Variants in SNX27 observed in about 807,000 individuals in gnomAD.
SNX27 encodes sorting nexin 27.
SNX27 carries 22 observed loss-of-function variants against 71.6 expected under a neutral mutation model. The observed-to-expected ratio is 0.31, with a 90% CI of 0.22 to 0.44. SNX27 has a LOEUF of 0.44. Among genes scored for constraint, SNX27 ranks in the 20% least tolerant of loss-of-function variants. SNX27 has a pLI of 1.00. For missense variants in SNX27, 531 were observed against 698.6 expected (o/e 0.76, Z 2.70); for synonymous variants, 269 against 277.2 (o/e 0.97, Z 0.29).
In SNX27 at chr1:151,696,342, C is replaced by A. The variant is rs978027907; in HGVS notation, c.*1925C>A. The A allele has an allele frequency of 3.3e-5, 5 of 152,218 alleles. No individual in the cohort carries two copies. The highest frequency in any genetic ancestry group is 7.3e-5 in the Non-Finnish European group (5 of 68,042). The allele number at this position is 152,218 out of a possible 1,614,324, so 9.4% of individuals were successfully genotyped here. ...AACAAAAACCTTCCTAGGATGGCATCTTTTGCTCTAACTGGGAGACAGTCA... is the reference window on the plus strand; with the variant it reads ...AACAAAAACCTTCCTAGGATGGCATATTTTGCTCTAACTGGGAGACAGTCA... On this transcript the variant is annotated 3_prime_UTR_variant, in exon 12 of 12. Coordinates refer to ENST00000458013, the MANE Select transcript of SNX27 (RefSeq NM_001330723.2).
chr1:151,691,188 T>C (rs1671423684), intron 8 of SNX27, among the ~76,000 whole-genome samples: 1 of 151,724 alleles, frequency 6.6e-6, no homozygotes, highest in Non-Finnish European at 1.5e-5. Context: ...GAGGCTGAGG[T>C]AGGAGAATAG....
rs1042321093 is a variant in SNX27, at chr1:151,668,623, C to T, written c.1137C>T (p.Tyr379=). 10 of 1,611,812 alleles carry T rather than the reference C, an allele frequency of 6.2e-6. No individual in the cohort carries two copies. Among genetic ancestry groups the T allele is most frequent in the Non-Finnish European group, 8.5e-6 (10 of 1,179,328 alleles). The change falls in exon 7 of 12, where the codon TAC becomes TAT. Residue 379 remains tyrosine, a synonymous_variant. Coordinates refer to ENST00000458013, the MANE Select transcript of SNX27 (RefSeq NM_001330723.2). ...ATGACAATGACCTTGCTGTTACCTA[C>T]TTCTTTCATCAGGTAGGTGAATTGA... The part of the protein sequence containing the change: ...LLNDNDLAVT[Y]FFHQAVDDVK...
chr1:151,691,474 T>A (rs1261929100), intron 8 of SNX27, among the ~76,000 whole-genome samples: 1 of 148,910 alleles, frequency 6.7e-6, no homozygotes, highest in African/African-American at 2.5e-5. Flanking sequence ...TGGTTTTTTT[T>A]TTTTTTTTTT....
intron 7 of SNX27, among the ~76,000 whole-genome samples, chr1:151,672,193 G>C (rs1443721684): frequency 6.6e-6 from 1 of 152,030 alleles, no homozygotes; most frequent in African/African-American, 2.4e-5. Flanking sequence ...TTTTTGAGGG[G>C]TTTTTATTAT....
intron 7 of SNX27, among the ~76,000 whole-genome samples, chr1:151,681,966 C>T (rs540567803): frequency 1.1e-3 from 175 of 152,288 alleles, no homozygotes; most frequent in Non-Finnish European, 2.2e-3. Flanking sequence ...GGGGATCCAC[C>T]TAAGGCTTCC....
chr1:151,640,407 T>A (rs2102635812), intron 2 of SNX27, among the ~76,000 whole-genome samples: 1 of 152,322 alleles, frequency 6.6e-6, no homozygotes. Flanking sequence ...AGACGAAGTC[T>A]CACTCTGTCC....
intron 7 of SNX27, among the ~76,000 whole-genome samples, chr1:151,673,161 T>C (rs1482528791): frequency 1.3e-5 from 2 of 152,136 alleles, no homozygotes; most frequent in African/African-American, 4.8e-5. Flanking sequence ...TGGCATGTTA[T>C]GTTTTCATGA....
rs1324878512 is a variant in SNX27, at chr1:151,612,351, G to A, written c.150G>A (p.Glu50=). 6.5e-7 allele frequency: 1 copy of A among 1,549,146 alleles called. No individual in the cohort carries two copies. Among genetic ancestry groups the A allele is most frequent in the African/African-American group, 1.4e-5 (1 of 70,494 alleles). The part of the protein sequence containing the change: ...GPRVVRIVKS[E]SGYGFNVRGQ... ...GGGTCGTGCGCATCGTCAAGTCCGA[G>A]TCCGGCTACGGCTTCAACGTGCGGG... The change falls in exon 1 of 12, where the codon GAG becomes GAA. Residue 50 remains glutamate, a synonymous_variant. Transcript: ENST00000458013. This position sits in a 1 kb window ranked among gnomAD's most constrained non-coding sequence, Gnocchi z 5.2.
chr1:151,653,947 C>T (rs932728374), intron 2 of SNX27, among the ~76,000 whole-genome samples: 15 of 152,002 alleles, frequency 9.9e-5, no homozygotes, highest in Admixed American at 9.2e-4. Context: ...ATTCTCCTGC[C>T]TCATCCTCCC....
chr1:151,629,512 TA>T (rs1362358988), intron 1 of SNX27: 1 of 150,926 alleles, frequency 6.6e-6, no homozygotes, highest in East Asian at 1.9e-4. Flanking sequence ...TATATACATA[TA>T]TACACGTATA....
intron 7 of SNX27, chr1:151,677,858 C>G (rs376738033): frequency 1.2e-4 from 19 of 152,206 alleles, no homozygotes; most frequent in African/African-American, 4.6e-4. Flanking sequence ...TCTGAACTTT[C>G]CTATTGCCTC....
chr1:151,642,425 C>T (rs1016283520), intron 2 of SNX27, among the ~76,000 whole-genome samples: 2 of 150,972 alleles, frequency 1.3e-5, no homozygotes, highest in African/African-American at 4.9e-5. Flanking sequence ...TTTGAGTTTG[C>T]GACTTGCCTT....
In SNX27 at chr1:151,635,227, A is replaced by G. The variant is rs542700272; in HGVS notation, c.312-3661A>G. ...AATAGCTACCATTTATTGAGTAGTT[A>G]CCATGTTCTAGAGCTTCCTCTCATT... On this transcript the variant is annotated intron_variant, in intron 1 of 11. Coordinates refer to ENST00000458013, the MANE Select transcript of SNX27 (RefSeq NM_001330723.2). Among the ~76,000 whole-genome samples the G allele has an allele frequency of 3.0e-4, 46 of 152,342 alleles. 1 individual carries two copies. Among genetic ancestry groups the G allele is most frequent in the African/African-American group, 1.1e-3 (46 of 41,576 alleles).
chr1:151,675,844 T>C (rs1308434551), intron 7 of SNX27: 6 of 117,602 alleles, frequency 5.1e-5, no homozygotes, highest in African/African-American at 1.9e-4. Context: ...TTTTTTTTTT[T>C]TATATAGGCT....
At chr1:151,687,780 C>T (rs753391416) in intron 8 of SNX27, among the ~76,000 whole-genome samples, 2 of 151,974 alleles carry the variant, frequency 1.3e-5, no homozygotes, top group Non-Finnish European at 2.9e-5. Context: ...AACCTCGTCT[C>T]GACTAAAACT....
chr1:151,684,272 C>A (rs1030461201), intron 8 of SNX27, among the ~76,000 whole-genome samples: 14 of 152,100 alleles, frequency 9.2e-5, no homozygotes, highest in African/African-American at 3.4e-4. Context: ...AATTTAAATT[C>A]ATTTAAATTA....
chr1:151,681,083 C>T (rs1235704400), intron 7 of SNX27, among the ~76,000 whole-genome samples: 1 of 152,010 alleles, frequency 6.6e-6, no homozygotes, highest in Non-Finnish European at 1.5e-5. Flanking sequence ...ATAATAGCTA[C>T]TGATATATAC....
intron 8 of SNX27, among the ~76,000 whole-genome samples, chr1:151,688,310 T>C (rs539739039): frequency 6.6e-6 from 1 of 152,274 alleles, no homozygotes; most frequent in South Asian, 2.1e-4. Flanking sequence ...CCAAATACCC[T>C]TTTAAATATC....
chr1:151,652,840 C>T (rs1300059572), intron 2 of SNX27, among the ~76,000 whole-genome samples: 6 of 152,022 alleles, frequency 3.9e-5, no homozygotes, highest in Non-Finnish European at 5.9e-5. Context: ...TTGTTAATCA[C>T]GGTTATTCTA....
Sources: allele counts gnomAD v4.1 joint callset (sites outside exome capture counted in the v4.1 genomes callset), GRCh38; gene constraint gnomAD v4.1.1; non-coding constraint Gnocchi (gnomAD v3.1); transcripts MANE v1.5; gene names NCBI Gene and HGNC (gene_info 2026-07-23, HGNC 2026-07-21).